Variants in SPIN1 observed in about 807,000 individuals in gnomAD.
SPIN1 encodes the protein spindlin 1.
A neutral mutation model predicts 26.0 loss-of-function variants in SPIN1; 3 were observed. That is an observed-to-expected ratio of 0.12 (90% CI 0.05 to 0.30). SPIN1 has a LOEUF of 0.30. Ranked by LOEUF, SPIN1 falls within the 10% of genes least tolerant of loss-of-function variation. The probability of loss-of-function intolerance (pLI) is 1.00; values close to 1 mark genes in which losing one functional copy is unlikely to be tolerated. For missense variants in SPIN1, 126 were observed against 333.4 expected, an observed-to-expected ratio of 0.38 and a Z score of 4.84; for synonymous variants, 101 against 116.5, an observed-to-expected ratio of 0.87 and a Z score of 0.86.
chr9:88,430,331 G>C (rs2118040744), intron 2 of SPIN1, among the ~76,000 whole-genome samples: 1 of 152,278 alleles, frequency 6.6e-6, no homozygotes, highest in Non-Finnish European at 1.5e-5. Context: ...TTACATGGAG[G>C]CTTCCAGATA....
intron 2 of SPIN1, among the ~76,000 whole-genome samples, chr9:88,439,115 G>T (rs1828067670): frequency 6.6e-6 from 1 of 152,158 alleles, no homozygotes; most frequent in Non-Finnish European, 1.5e-5. Flanking sequence ...GGAGAGTAAA[G>T]GCAAGCTGTT....
chr9:88,420,205 G>T (rs140398249), intron 1 of SPIN1, among the ~76,000 whole-genome samples: 54 of 152,204 alleles, frequency 3.5e-4, no homozygotes, highest in Non-Finnish European at 6.0e-4. Flanking sequence ...GAGAAACCTC[G>T]TCTCTACTAA....
chr9:88,446,757 C>G (rs1291824114), intron 2 of SPIN1, among the ~76,000 whole-genome samples: 1 of 152,120 alleles, frequency 6.6e-6, no homozygotes, highest in Non-Finnish European at 1.5e-5. Context: ...TGTCTTCAGG[C>G]TTACGTTGTT....
chr9:88,446,083 TGTATAATTAA>T (rs1828245207), intron 2 of SPIN1, among the ~76,000 whole-genome samples: 1 of 152,174 alleles, frequency 6.6e-6, no homozygotes, highest in Non-Finnish European at 1.5e-5. Flanking sequence ...AAAAGAGAGT[TGTATAATTAA>T]GTATAATTAT....
intron 1 of SPIN1, chr9:88,391,917 G>T (rs974177359): frequency 1.3e-5 from 2 of 152,160 alleles, no homozygotes; most frequent in African/African-American, 4.8e-5. Flanking sequence ...TTGCTACAAG[G>T]TATCCTGGAA....
At chr9:88,462,301 T>C (rs548583604) in intron 3 of SPIN1, among the ~76,000 whole-genome samples, 195 bp from the exon 4 acceptor site, 1 of 152,302 alleles carries the variant, frequency 6.6e-6, no homozygotes, top group South Asian at 2.1e-4. Flanking sequence ...ACATACCATG[T>C]TACACACTCA....
At chr9:88,403,957 C>T (rs1375706518) in intron 1 of SPIN1, among the ~76,000 whole-genome samples, 1 of 152,178 alleles carries the variant, frequency 6.6e-6, no homozygotes. Flanking sequence ...ATAGAGCATA[C>T]TTGCACAAAA....
At chr9:88,456,477 C>T (rs1473409091) in intron 3 of SPIN1, among the ~76,000 whole-genome samples, 1 of 152,112 alleles carries the variant, frequency 6.6e-6, no homozygotes, top group South Asian at 2.1e-4. Flanking sequence ...GGCTTGAGTA[C>T]AGTTACCAAA....
chr9:88,423,002 C>T (rs1827700358), intron 1 of SPIN1, among the ~76,000 whole-genome samples: 1 of 151,912 alleles, frequency 6.6e-6, no homozygotes, highest in African/African-American at 2.4e-5. Context: ...AGCCACCACA[C>T]CCAGCTGAGG....
At chr9:88,395,526 G>A (rs533302239) in intron 1 of SPIN1, among the ~76,000 whole-genome samples, 1 of 152,160 alleles carries the variant, frequency 6.6e-6, no homozygotes, top group South Asian at 2.1e-4. Context: ...TTTTATTTGT[G>A]CAGATACAGC....
chr9:88,468,314 A>C, intron 4 of SPIN1, 58 bp from the exon 5 acceptor site: 1 of 1,290,218 alleles, frequency 7.8e-7, no homozygotes, highest in Non-Finnish European at 1.0e-6. Context: ...TTCAGTCTTC[A>C]TAGTCGGTAA....
chr9:88,406,813 G>C (rs1399546444), intron 1 of SPIN1, among the ~76,000 whole-genome samples: 2 of 151,940 alleles, frequency 1.3e-5, no homozygotes, highest in African/African-American at 4.8e-5. Context: ...ACTTAAACAT[G>C]AATCTTTTAC....
At chr9:88,471,930 C>G (rs1215317844) in intron 5 of SPIN1, among the ~76,000 whole-genome samples, 1 of 151,666 alleles carries the variant, frequency 6.6e-6, no homozygotes, top group Non-Finnish European at 1.5e-5. Flanking sequence ...TCCCAAGGAA[C>G]TGGGATTACA....
At chr9:88,424,093 G>A (rs765594589) in intron 1 of SPIN1, among the ~76,000 whole-genome samples, 1 of 152,118 alleles carries the variant, frequency 6.6e-6, no homozygotes, top group African/African-American at 2.4e-5. Flanking sequence ...GTATGTTGAT[G>A]GGACTATGCT....
Position 88,475,287 on chromosome 9 carries a change from C to G in SPIN1, c.*10C>G, listed in dbSNP as rs760773066. 1.9e-6 allele frequency: 3 copies of G among 1,607,542 alleles called. No individual in the cohort carries two copies. The highest frequency in any genetic ancestry group is 2.6e-6 in the Non-Finnish European group (3 of 1,175,478). ...GGTGAAAACATCCTAGATGTCATCA[C>G]AAACTCTGCCAAATTTGTGGAACTA... On this transcript the variant is annotated 3_prime_UTR_variant, in exon 6 of 6. Coordinates refer to ENST00000375859, the MANE Select transcript of SPIN1 (RefSeq NM_006717.3).
intron 2 of SPIN1, 53 bp downstream of exon 2, chr9:88,426,644 T>G: frequency 6.7e-7 from 1 of 1,492,918 alleles, no homozygotes; most frequent in African/African-American, 1.4e-5. Flanking sequence ...TATAATTCAT[T>G]TCAAACAAGT....
chr9:88,429,997 C>G (rs1282330090), intron 2 of SPIN1, among the ~76,000 whole-genome samples: 4 of 152,202 alleles, frequency 2.6e-5, no homozygotes, highest in Non-Finnish European at 1.5e-5. Flanking sequence ...GGAAAGATTG[C>G]TGACCCCAGG....
intron 1 of SPIN1, among the ~76,000 whole-genome samples, chr9:88,419,511 GAAA>G (rs1399317030): frequency 6.6e-6 from 1 of 151,714 alleles, no homozygotes; most frequent in South Asian, 2.1e-4. Context: ...TTGCTGAGAA[GAAA>G]AAAAAGAAAA....
chr9:88,442,504 A>G (rs185539478), intron 2 of SPIN1, among the ~76,000 whole-genome samples: 8 of 151,642 alleles, frequency 5.3e-5, no homozygotes, highest in African/African-American at 1.2e-4. Context: ...CCCTGGTTCA[A>G]GCATTTCTCC....
Sources: allele counts gnomAD v4.1 joint callset (sites outside exome capture counted in the v4.1 genomes callset), GRCh38; gene constraint gnomAD v4.1.1; transcripts MANE v1.5; gene names NCBI Gene and HGNC (gene_info 2026-07-23, HGNC 2026-07-21).